Variants in ZFYVE9 observed in about 807,000 individuals in gnomAD.
ZFYVE9 encodes the protein zinc finger FYVE-type containing 9, also known as zinc finger FYVE domain-containing protein 9.
In ZFYVE9, 43 loss-of-function variants were observed where a neutral mutation model predicts 126.7. The observed-to-expected ratio is 0.34, with a 90% confidence interval of 0.27 to 0.44. ZFYVE9 has a LOEUF of 0.44. Ranked by LOEUF, ZFYVE9 falls within the 20% of genes least tolerant of loss-of-function variation. ZFYVE9 has a pLI of 1.00. For synonymous variants in ZFYVE9, 521 were observed against 597.4 expected (o/e 0.87, Z 1.87); for missense variants, 1,476 against 1,697.0 (o/e 0.87, Z 2.29).
In ZFYVE9 at chr1:52,346,498, C is replaced by G; in HGVS notation, c.*277C>G. Reference sequence around the variant, plus strand: ...TGCTATCCTTGCAGCTAATCCCCTTCTGTTACTGTTTAGACAAGAATTCCG... The same window carrying G: ...TGCTATCCTTGCAGCTAATCCCCTTGTGTTACTGTTTAGACAAGAATTCCG... On this transcript the variant is annotated 3_prime_UTR_variant, in exon 19 of 19. Transcript: ENST00000287727. 1 of 417,820 alleles carries G rather than the reference C, an allele frequency of 2.4e-6. No homozygotes were observed. Among genetic ancestry groups the G allele is most frequent in the Non-Finnish European group, 4.2e-6 (1 of 236,730 alleles). The allele number at this position is 417,820 out of a possible 1,614,324, so 25.9% of individuals were successfully genotyped here.
At chr1:52,335,594 A>G (rs1460571739) in intron 15 of ZFYVE9, among the ~76,000 whole-genome samples, 4 of 152,228 alleles carry the variant, frequency 2.6e-5, no homozygotes, top group Non-Finnish European at 4.4e-5. Context: ...TGTTCTAGCA[A>G]GAAGGTGGAA....
Position 52,293,677 on chromosome 1 carries a change from C to T in ZFYVE9, c.3250C>T (p.Leu1084Phe), listed in dbSNP as rs770518828. 58 of 1,613,038 alleles carry T rather than the reference C, an allele frequency of 3.6e-5. No homozygotes were observed. The East Asian group carries it at 1.1e-3, about 30-fold the overall frequency. The change falls in exon 11 of 19, where the codon CTT (leucine) becomes TTT (phenylalanine). Residue 1084 changes from leucine to phenylalanine, a missense_variant and splice_region_variant. Leu to Phe is a conservative substitution (Grantham distance 22). This residue lies in a region of ZFYVE9 where 669 missense variants were observed against 902.4 expected (regional missense o/e 0.74). Transcript: ENST00000287727. ...LMLRLGAEYR[L>F]YPCPLFSVRF... ...GTTGAGACTTGGAGCTGAATATCGA[C>T]GTAAGTAGTAAAAACACGTTTTTCA...
At chr1:52,217,487 A>G (rs1645082641) in intron 2 of ZFYVE9, among the ~76,000 whole-genome samples, 1 of 152,102 alleles carries the variant, frequency 6.6e-6, no homozygotes, top group African/African-American at 2.4e-5. Flanking sequence ...GTTCTTCTTG[A>G]TTATCAAGGT....
At chr1:52,185,221 C>T (rs1043471766) in intron 1 of ZFYVE9, among the ~76,000 whole-genome samples, 2 of 152,048 alleles carry the variant, frequency 1.3e-5, no homozygotes, top group Non-Finnish European at 2.9e-5. Flanking sequence ...ATAATTATAC[C>T]TTACAGAGTG....
At chr1:52,337,691 TAC>T in intron 15 of ZFYVE9, 79 bp from the exon 16 acceptor site, 1 of 1,516,400 alleles carries the variant, frequency 6.6e-7, no homozygotes. Flanking sequence ...AGCTAAGGTT[TAC>T]ATTTAACTCG....
chr1:52,160,357 A>T (rs1644445160), intron 1 of ZFYVE9: 3 of 1,155,326 alleles, frequency 2.6e-6, no homozygotes, highest in African/African-American at 1.5e-5. Context: ...TCACAAATTC[A>T]TCAACTTTTA....
intron 2 of ZFYVE9, among the ~76,000 whole-genome samples, chr1:52,222,254 A>G (rs1359381771): frequency 6.6e-6 from 1 of 152,224 alleles, no homozygotes; most frequent in Non-Finnish European, 1.5e-5. Context: ...AACTTGTTCT[A>G]ATATTTGACC....
At chr1:52,316,165 C>CAAA (rs367815611) in intron 13 of ZFYVE9, among the ~76,000 whole-genome samples, 2,064 of 38,850 alleles carry the variant, frequency 0.053, 298 homozygotes, top group East Asian at 0.11. Context: ...AACTCCATCT[C>CAAA]AAAAAAAAAA....
intron 4 of ZFYVE9, among the ~76,000 whole-genome samples, chr1:52,254,765 G>A (rs113000159): frequency 0.047 from 7,179 of 151,950 alleles, 565 homozygotes; most frequent in African/African-American, 0.16. Flanking sequence ...TCAGGAGTTC[G>A]AGACCAGCCC....
rs577406958 is a variant in ZFYVE9 at position 52,175,159 on chromosome 1, T to A, written c.-143+32756T>A. Reference sequence around the variant, plus strand: ...GGCTGGTACTGGTTGTTCCTTTCCATGTTTAGTGCTTCCTTCAGGAGCTCT... The same window carrying A: ...GGCTGGTACTGGTTGTTCCTTTCCAAGTTTAGTGCTTCCTTCAGGAGCTCT... On this transcript the variant is annotated intron_variant, in intron 1 of 18. Transcript: ENST00000287727. 2.5e-3 allele frequency among the ~76,000 whole-genome samples: 377 copies of A among 152,180 alleles called. 12 individuals are homozygous for A. The South Asian group carries it at 0.043, about 17-fold the overall frequency.
At chr1:52,194,573 A>G (rs1178141948) in intron 1 of ZFYVE9, among the ~76,000 whole-genome samples, 3 of 152,210 alleles carry the variant, frequency 2.0e-5, no homozygotes, top group Non-Finnish European at 4.4e-5. Flanking sequence ...TTGGTAAAAG[A>G]TTGATTTTAT....
At chr1:52,300,400 G>A (rs918290548) in intron 12 of ZFYVE9, among the ~76,000 whole-genome samples, 3 of 151,944 alleles carry the variant, frequency 2.0e-5, no homozygotes, top group Admixed American at 6.6e-5. Context: ...GACCAGCCTG[G>A]CTGATATGGT....
At chr1:52,266,938 T>C in intron 6 of ZFYVE9, 107 bp downstream of exon 6, 1 of 1,052,944 alleles carries the variant, frequency 9.5e-7, no homozygotes, top group Non-Finnish European at 1.3e-6. Context: ...CAGATAAGTC[T>C]CTTTGGGTGG....
intron 10 of ZFYVE9, among the ~76,000 whole-genome samples, chr1:52,292,020 T>C (rs1304234516): frequency 6.6e-6 from 1 of 151,978 alleles, no homozygotes; most frequent in Non-Finnish European, 1.5e-5. Context: ...GGCTCGCGCC[T>C]GTAATCCCAG....
intron 9 of ZFYVE9, among the ~76,000 whole-genome samples, chr1:52,280,138 A>G (rs905242896): frequency 6.6e-6 from 1 of 151,086 alleles, no homozygotes; most frequent in Admixed American, 6.6e-5. Flanking sequence ...GTGCTTTGGG[A>G]GGCCAAGGCA....
chr1:52,318,530 C>T (rs981488024), intron 13 of ZFYVE9, among the ~76,000 whole-genome samples: 3 of 151,644 alleles, frequency 2.0e-5, no homozygotes, highest in Admixed American at 6.6e-5. Context: ...GAAACAAGAA[C>T]GGGATGTTCA....
intron 1 of ZFYVE9, among the ~76,000 whole-genome samples, chr1:52,161,285 G>A (rs1311993180): frequency 6.6e-6 from 1 of 152,022 alleles, no homozygotes; most frequent in Non-Finnish European, 1.5e-5. Flanking sequence ...TTTGACAGAT[G>A]TATTTTATTT....
chr1:52,263,250 G>T (rs967838299), intron 4 of ZFYVE9, among the ~76,000 whole-genome samples: 1 of 152,076 alleles, frequency 6.6e-6, no homozygotes, highest in African/African-American at 2.4e-5. Flanking sequence ...AAAGCAGTGC[G>T]TTTGTTTATG....
intron 10 of ZFYVE9, among the ~76,000 whole-genome samples, chr1:52,288,940 A>AG (rs35378988): frequency 0.034 from 5,079 of 150,626 alleles, 240 homozygotes; most frequent in African/African-American, 0.1. Flanking sequence ...AAAAAAAAAA[A>AG]AAAAAAGAAA....
Sources: allele counts gnomAD v4.1 joint callset (sites outside exome capture counted in the v4.1 genomes callset), GRCh38; gene constraint gnomAD v4.1.1; regional missense constraint gnomAD v4.1.1; transcripts MANE v1.5; gene names NCBI Gene and HGNC (gene_info 2026-07-23, HGNC 2026-07-21).